The following SNED1 variants were observed in gnomAD, a reference collection of about 807,000 sequenced individuals.
SNED1 encodes the protein sushi, nidogen and EGF like domains 1.
A neutral mutation model predicts 166.7 loss-of-function variants in SNED1; 81 were observed. The ratio of observed to expected loss-of-function variants is 0.49; its 90% confidence interval spans 0.41 to 0.58. SNED1 has a LOEUF of 0.58. SNED1 is among the 20% of genes least tolerant of loss of function. The pLI is 0.00. For synonymous variants in SNED1, 762 were observed against 822.0 expected, an observed-to-expected ratio of 0.93 and a Z score of 1.25; for missense variants, 1,604 against 2,000.2, an observed-to-expected ratio of 0.80 and a Z score of 3.78.
chr2:241,037,543 G>A (rs2125028970), intron 6 of SNED1, among the ~76,000 whole-genome samples, 190 bp downstream of exon 6: 1 of 152,322 alleles, frequency 6.6e-6, no homozygotes, highest in Middle Eastern at 3.4e-3. Flanking sequence ...TGGGTAGGGG[G>A]CAGGAGCCAT....
chr2:241,038,928 G>A (rs1044285077), intron 6 of SNED1, among the ~76,000 whole-genome samples: 1 of 152,210 alleles, frequency 6.6e-6, no homozygotes, highest in Non-Finnish European at 1.5e-5. Flanking sequence ...GGCTCCAGGA[G>A]CCCCTCTGTG....
Position 240,999,107 on chromosome 2 carries a change from C to G in SNED1, c.213+57C>G. On this transcript the variant is annotated intron_variant, in intron 1 of 31. Coordinates refer to ENST00000310397, the MANE Select transcript of SNED1 (RefSeq NM_001080437.3). This position sits in a 1 kb window ranked among gnomAD's most constrained non-coding sequence, Gnocchi z 5.8. ...GGAGGGGAGGGAGCTGCGCCCCGGCCGCTGCCCGCCGGGCCCGGACTCCCG... is the reference window on the plus strand; with the variant it reads ...GGAGGGGAGGGAGCTGCGCCCCGGCGGCTGCCCGCCGGGCCCGGACTCCCG... The G allele has an allele frequency of 9.2e-7, 1 of 1,086,100 alleles. No individual in the cohort carries two copies. The highest frequency in any genetic ancestry group is 1.2e-6 in the Non-Finnish European group (1 of 860,228). 67.3% of individuals were successfully genotyped at this position (1,086,100 alleles called of 1,614,324 possible).
Position 241,075,860 on chromosome 2 carries a change from T to G in SNED1, c.3916+2496T>G, listed in dbSNP as rs977993854. 2.6e-5 allele frequency among the ~76,000 whole-genome samples: 4 copies of G among 152,172 alleles called. No individual in the cohort carries two copies. ...TAGGTCATTAATCTGTTAGACTGTG[T>G]GTGTGTGAGAAGTTGGGCTACAATT... is the stretch of plus-strand genomic sequence containing the variant. On this transcript the variant is annotated intron_variant, in intron 27 of 31. Coordinates refer to ENST00000310397, the MANE Select transcript of SNED1 (RefSeq NM_001080437.3). The surrounding 1 kb of genome is among the most constrained non-coding windows in gnomAD (Gnocchi z 4.8).
chr2:241,071,927 C>T, intron 26 of SNED1, 49 bp downstream of exon 26: 1 of 1,409,282 alleles, frequency 7.1e-7, no homozygotes, highest in Non-Finnish European at 9.8e-7. Context: ...CCCTCGTCCT[C>T]ACTGCCACTC....
In SNED1 at chr2:241,088,511, T is replaced by A. The variant is rs2067987; in HGVS notation, c.*1+109T>A. ...CCGCTGCCTGCTTACTCAGCACTGC[T>A]AAAGGAAGCGCGGTCCTGTGCTGCT... On this transcript the variant is annotated intron_variant, in intron 31 of 31. Coordinates refer to ENST00000310397, the MANE Select transcript of SNED1 (RefSeq NM_001080437.3). 97,914 of 889,460 alleles carry A rather than the reference T, an allele frequency of 0.11. 9,396 individuals are homozygous for A. Among genetic ancestry groups the A allele is most frequent in the East Asian group, 0.33 (13,692 of 41,542 alleles). 55.1% of individuals were successfully genotyped at this position (889,460 alleles called of 1,614,324 possible). A position where few individuals can be genotyped will look rare whatever the true frequency, so the allele number is the denominator to read the frequency against.
chr2:241,089,627 G>A (rs904804861), intron 31 of SNED1, among the ~76,000 whole-genome samples: 3 of 152,134 alleles, frequency 2.0e-5, no homozygotes, highest in African/African-American at 7.2e-5. Context: ...TTGACTCGAG[G>A]GAATCACTTC....
At chr2:241,002,276 C>T (rs1235303820) in intron 1 of SNED1, among the ~76,000 whole-genome samples, 3 of 152,170 alleles carry the variant, frequency 2.0e-5, no homozygotes, top group Admixed American at 6.5e-5. Flanking sequence ...TCAGTGGGAC[C>T]GAGGCCTGCG....
chr2:241,042,951 A>AT (rs1261763929), intron 8 of SNED1, among the ~76,000 whole-genome samples: 1 of 152,180 alleles, frequency 6.6e-6, no homozygotes, highest in Non-Finnish European at 1.5e-5. Context: ...GGATCCACGT[A>AT]TTTGGAGTCT....
chr2:241,065,083 G>A, intron 20 of SNED1, 126 bp downstream of exon 20: 2 of 851,174 alleles, frequency 2.3e-6, no homozygotes, highest in Non-Finnish European at 3.6e-6. Context: ...TGAGGAACAG[G>A]GAGGGGATAA....
intron 16 of SNED1, among the ~76,000 whole-genome samples, chr2:241,062,273 C>CTAG (rs2062258485): frequency 6.6e-6 from 1 of 152,186 alleles, no homozygotes; most frequent in Non-Finnish European, 1.5e-5. Flanking sequence ...GGGGTGGCTG[C>CTAG]TAGTCCCAGA....
In SNED1 at chr2:241,008,713, G is replaced by C. The variant is rs568353702; in HGVS notation, c.213+9663G>C. Among the ~76,000 whole-genome samples the C allele has an allele frequency of 5.4e-4, 82 of 152,338 alleles. 1 individual carries two copies. Among genetic ancestry groups the C allele is most frequent in the Non-Finnish European group, 4.4e-5 (3 of 68,042 alleles). On this transcript the variant is annotated intron_variant, in intron 1 of 31. Coordinates refer to ENST00000310397, the MANE Select transcript of SNED1 (RefSeq NM_001080437.3). ...GGTGTCAGTTATTAGACACCACTGT[G>C]TGCAGCCCCTGCCCTGCTCCCGTGG...
chr2:241,047,102 G>A (rs142631283), intron 8 of SNED1, among the ~76,000 whole-genome samples: 4 of 141,190 alleles, frequency 2.8e-5, no homozygotes, highest in Admixed American at 2.3e-4. Flanking sequence ...CCGAGATCGC[G>A]CCACTGCACT....
chr2:241,064,960 GGGT>G lies in SNED1; in HGVS notation c.2713+6_2713+8del. 2.6e-6 allele frequency: 4 copies of G among 1,567,998 alleles called. No individual in the cohort carries two copies. The highest frequency in any genetic ancestry group is 3.4e-6 in the Non-Finnish European group (4 of 1,160,798). ...CACGGGCGAGGACTGCGCCAAAGGT[GGGT>G]GGCGAGGGCGCCTCCAGTGAGGGAG... On this transcript the variant is annotated splice_donor_5th_base_variant and intron_variant, in intron 20 of 31. Coordinates refer to ENST00000310397, the MANE Select transcript of SNED1 (RefSeq NM_001080437.3). This position sits in a 1 kb window ranked among gnomAD's most constrained non-coding sequence, Gnocchi z 7.0.
At chr2:241,002,329 C>T (rs1225917010) in intron 1 of SNED1, among the ~76,000 whole-genome samples, 1 of 152,198 alleles carries the variant, frequency 6.6e-6, no homozygotes, top group Non-Finnish European at 1.5e-5. Context: ...GAAATCACTG[C>T]CATCTCTGCT....
chr2:241,073,600 CAG>C lies in SNED1; in HGVS notation c.3916+239_3916+240del, dbSNP rs1328826244. The C allele has an allele frequency of 2.0e-5, 12 of 586,356 alleles. No homozygotes were observed. The highest frequency in any genetic ancestry group is 1.9e-4 in the African/African-American group (10 of 53,618). 36.3% of individuals were successfully genotyped at this position (586,356 alleles called of 1,614,324 possible). ...GGGGGCAGGACCCACCCAAACCACC[CAG>C]AGTCTGAGCTAGAGAGACTGGCTTT... On this transcript the variant is annotated intron_variant, in intron 27 of 31. Transcript: ENST00000310397. The surrounding 1 kb of genome is among the most constrained non-coding windows in gnomAD (Gnocchi z 6.6).
At chr2:241,004,969 C>T (rs2060181810) in intron 1 of SNED1, among the ~76,000 whole-genome samples, 1 of 152,146 alleles carries the variant, frequency 6.6e-6, no homozygotes, top group South Asian at 2.1e-4. Flanking sequence ...GATCCACCCA[C>T]CTCAGCCTCA....
intron 1 of SNED1, among the ~76,000 whole-genome samples, chr2:241,024,235 CTTTTTTT>C (rs10664618): frequency 6.4e-5 from 3 of 46,908 alleles, no homozygotes; most frequent in African/African-American, 1.7e-4. Context: ...ACTCTACTAC[CTTTTTTT>C]TTTTTTTTTT....
chr2:241,073,066 G>C lies in SNED1; in HGVS notation c.3818-200G>C. Reference sequence around the variant, plus strand: ...GCAAGGGGAAGGCCGAGCCCCTCCAGAGGGTCAGCAGGAGGGTGAGGCCAG... The same window carrying C: ...GCAAGGGGAAGGCCGAGCCCCTCCACAGGGTCAGCAGGAGGGTGAGGCCAG... On this transcript the variant is annotated intron_variant, in intron 26 of 31. Coordinates refer to ENST00000310397, the MANE Select transcript of SNED1 (RefSeq NM_001080437.3). This position sits in a 1 kb window ranked among gnomAD's most constrained non-coding sequence, Gnocchi z 6.6. 1.8e-6 allele frequency: 1 copy of C among 568,386 alleles called. No homozygotes were observed. Among genetic ancestry groups the C allele is most frequent in the Non-Finnish European group, 3.1e-6 (1 of 318,658 alleles). The allele number at this position is 568,386 out of a possible 1,614,324, so 35.2% of individuals were successfully genotyped here.
At chr2:241,021,714 G>A (rs2060779879) in intron 1 of SNED1, among the ~76,000 whole-genome samples, 2 of 152,172 alleles carry the variant, frequency 1.3e-5, no homozygotes. Flanking sequence ...TGGCTATTAT[G>A]AATAAAGCTG....
Sources: allele counts gnomAD v4.1 joint callset (sites outside exome capture counted in the v4.1 genomes callset), GRCh38; gene constraint gnomAD v4.1.1; non-coding constraint Gnocchi (gnomAD v3.1); transcripts MANE v1.5; gene names NCBI Gene and HGNC (gene_info 2026-07-23, HGNC 2026-07-21).